Variants in EDC4 observed in about 807,000 individuals in gnomAD.
EDC4 encodes enhancer of mRNA-decapping protein 4.
A neutral mutation model predicts 155.8 loss-of-function variants in EDC4; 64 were observed. The observed-to-expected ratio is 0.41, with a 90% CI of 0.34 to 0.51. The LOEUF is 0.51. Among genes scored for constraint, EDC4 ranks in the 20% least tolerant of loss-of-function variants. The pLI is 0.19. For synonymous variants in EDC4, 684 were observed against 716.8 expected (o/e 0.95, Z 0.73); for missense variants, 1,303 against 1,812.5 (o/e 0.72, Z 5.10).
In EDC4 at chr16:67,883,361, GC is replaced by G; in HGVS notation, c.3849+187del. 1 of 1,292,492 alleles carries G rather than the reference GC, an allele frequency of 7.7e-7. No individual in the cohort carries two copies. Among genetic ancestry groups the G allele is most frequent in the Non-Finnish European group, 1.1e-6 (1 of 945,530 alleles). The allele number at this position is 1,292,492 out of a possible 1,614,324, so 80.1% of individuals were successfully genotyped here. On this transcript the variant is annotated intron_variant, in intron 27 of 28. Coordinates refer to ENST00000358933, the MANE Select transcript of EDC4 (RefSeq NM_014329.5). This position sits in a 1 kb window ranked among gnomAD's most constrained non-coding sequence, Gnocchi z 5.3. ...TCCTGGACCCCTTTCTTCCCACCTA[GC>G]CCACCTTGCTTTACAACTACCCTTC...
chr16:67,879,388 A>G lies in EDC4; in HGVS notation c.1542-24A>G. On this transcript the variant is annotated intron_variant, in intron 13 of 28. Coordinates refer to ENST00000358933, the MANE Select transcript of EDC4 (RefSeq NM_014329.5). This position sits in a 1 kb window ranked among gnomAD's most constrained non-coding sequence, Gnocchi z 6.0. The stretch of plus-strand genomic sequence containing the variant: ...CTGACCCTTGCCCTTGGAGCACTTT[A>G]TTCTCCCCCTTCTTTTCCTGCAGGG... 1 of 1,614,058 alleles carries G rather than the reference A, an allele frequency of 6.2e-7. No homozygotes were observed. The highest frequency in any genetic ancestry group is 1.1e-5 in the South Asian group (1 of 91,080).
Position 67,880,034 on chromosome 16 carries a change from C to A in EDC4, c.1944-29C>A. The stretch of plus-strand genomic sequence containing the variant: ...GGTACCAGATGATGCCAAGCTCTGG[C>A]TGCTGACACCTCAGCCTTCCCCCAC... On this transcript the variant is annotated intron_variant, in intron 16 of 28. Coordinates refer to ENST00000358933, the MANE Select transcript of EDC4 (RefSeq NM_014329.5). This position sits in a 1 kb window ranked among gnomAD's most constrained non-coding sequence, Gnocchi z 5.2. 6.3e-7 allele frequency: 1 copy of A among 1,588,364 alleles called. No individual in the cohort carries two copies. Among genetic ancestry groups the A allele is most frequent in the Non-Finnish European group, 8.6e-7 (1 of 1,163,490 alleles).
chr16:67,883,662 A>T lies in EDC4; in HGVS notation c.3944A>T (p.Gln1315Leu), dbSNP rs1302063867. The T allele has an allele frequency of 6.2e-7, 1 of 1,614,042 alleles. No homozygotes were observed. Among genetic ancestry groups the T allele is most frequent in the Non-Finnish European group, 8.5e-7 (1 of 1,180,034 alleles). ...VFGQPPCPLS[Q>L]PVLLSLIQQL... is the part of the protein sequence containing the mutation. ...GGGCAGCCACCCTGCCCGCTCTCCCAGCCTGTGCTCCTTTCCCTCATCCAG... is the reference window on the plus strand; with the variant it reads ...GGGCAGCCACCCTGCCCGCTCTCCCTGCCTGTGCTCCTTTCCCTCATCCAG... The change falls in exon 28 of 29, where the codon CAG becomes CTG. Residue 1315 changes from glutamine (Q) to leucine (L), a missense_variant. Gln to Leu is a moderately radical substitution (Grantham distance 113). This residue lies in a region of EDC4 where 527 missense variants were observed against 757.0 expected (regional missense o/e 0.70). Coordinates refer to ENST00000358933, the MANE Select transcript of EDC4 (RefSeq NM_014329.5). The surrounding 1 kb of genome is among the most constrained non-coding windows in gnomAD (Gnocchi z 5.3).
In EDC4 at chr16:67,881,046, A is replaced by T. The variant is rs764130477; in HGVS notation, c.2532-30A>T. ...AGCAGGAGGGGCTTCAGATAGATTC[A>T]TCCATGGCTAAGTTGGCCTGTCCTC... is the stretch of plus-strand genomic sequence containing the variant. On this transcript the variant is annotated intron_variant, in intron 18 of 28. Transcript: ENST00000358933. This position sits in a 1 kb window ranked among gnomAD's most constrained non-coding sequence, Gnocchi z 5.4. 2 of 1,613,968 alleles carry T rather than the reference A, an allele frequency of 1.2e-6. No individual in the cohort carries two copies. Among genetic ancestry groups the T allele is most frequent in the African/African-American group, 2.7e-5 (2 of 75,010 alleles).
intron 1 of EDC4, chr16:67,875,694 C>T: frequency 7.7e-7 from 1 of 1,290,988 alleles, no homozygotes; most frequent in South Asian, 2.1e-5. Context: ...CCTGAGTATT[C>T]ACTGCCCTCA....
At chr16:67,875,724 T>C in intron 1 of EDC4, 2 of 1,366,088 alleles carry the variant, frequency 1.5e-6, no homozygotes, top group South Asian at 3.5e-5. Context: ...TGATGGCTTG[T>C]ACCCCTCCCC....
Position 67,881,116 on chromosome 16 carries a change from T to G in EDC4, c.2572T>G (p.Phe858Val). ...GLQEKHKSLAFHRPPYHLLQQ... is the reference protein window; with the variant it reads ...GLQEKHKSLAVHRPPYHLLQQ... ...TCAGGAAAAGCACAAGAGCCTGGCC[T>G]TCCACCGACCACCATATCACCTGCT... Residue 858 changes from phenylalanine (F) to valine (V), a missense_variant, in exon 19 of 29, where the codon TTC becomes GTC. Transcript: ENST00000358933. This position sits in a 1 kb window ranked among gnomAD's most constrained non-coding sequence, Gnocchi z 5.4. 2 of 1,614,028 alleles carry G rather than the reference T, an allele frequency of 1.2e-6. No homozygotes were observed. The highest frequency in any genetic ancestry group is 1.7e-6 in the Non-Finnish European group (2 of 1,180,010).
rs779882332 is a variant in EDC4, at chr16:67,879,081, G to A, written c.1412G>A (p.Arg471Gln). The change falls in exon 12 of 29, where the codon CGG (arginine) becomes CAG (glutamine). Residue 471 changes from arginine (R) to glutamine (Q), a missense_variant. Physicochemically the swap from Arg to Gln is conservative, Grantham distance 43. Around this residue, in one of 5 missense-constraint regions of EDC4, gnomAD observed 235 missense variants for 367.7 expected, o/e 0.64. Transcript: ENST00000358933. This position sits in a 1 kb window ranked among gnomAD's most constrained non-coding sequence, Gnocchi z 6.0. ...SFGIQVVSRC[R>Q]LRHTEVLPAE... ...GGTATCCAGGTTGTGAGTCGCTGCC[G>A]GCTACGGCACACTGAGGTGCTGCCT... 34 of 1,613,644 alleles carry A rather than the reference G, an allele frequency of 2.1e-5. No homozygotes were observed. The highest frequency in any genetic ancestry group is 2.8e-5 in the Non-Finnish European group (33 of 1,179,984).
Position 67,876,458 on chromosome 16 carries a change from G to A in EDC4, c.240-30G>A. 5.0e-6 allele frequency: 8 copies of A among 1,610,764 alleles called. No homozygotes were observed. The highest frequency in any genetic ancestry group is 2.2e-5 in the East Asian group (1 of 44,800). On this transcript the variant is annotated intron_variant, in intron 2 of 28. Transcript: ENST00000358933. The surrounding 1 kb of genome is among the most constrained non-coding windows in gnomAD (Gnocchi z 5.8). Reference sequence around the variant, plus strand: ...GCCCGCTGAGCCTTTGGGTGAACAAGAGGCAAAGTTTTTGCACTCTTCCCC... The same window carrying A: ...GCCCGCTGAGCCTTTGGGTGAACAAAAGGCAAAGTTTTTGCACTCTTCCCC...
rs1481830080 is a variant in EDC4 at position 67,884,386 on chromosome 16, T to C, written c.*238T>C. 5.4e-6 allele frequency: 3 copies of C among 555,086 alleles called. No individual in the cohort carries two copies. The highest frequency in any genetic ancestry group is 9.5e-6 in the Non-Finnish European group (3 of 316,324). The allele number at this position is 555,086 out of a possible 1,614,324, so 34.4% of individuals were successfully genotyped here. On this transcript the variant is annotated 3_prime_UTR_variant, in exon 29 of 29. Transcript: ENST00000358933. This position sits in a 1 kb window ranked among gnomAD's most constrained non-coding sequence, Gnocchi z 4.1. ...TTCTGCCATGCCTGGAGCATGACCC[T>C]GAGATCGTGACACCACTTGAGTGGA...
chr16:67,873,372 A>G, intron 1 of EDC4, 29 bp downstream of exon 1: 4 of 1,416,908 alleles, frequency 2.8e-6, no homozygotes, highest in Non-Finnish European at 3.7e-6. Context: ...GGTGGGCCCC[A>G]GGCGAGCTGA....
Position 67,878,894 on chromosome 16 carries a change from G to C in EDC4, c.1287+55G>C, listed in dbSNP as rs1047156478. ...GTTGGGATTATAGAGGAAGGCCGGGGGGCAGGTGGCGCATCACAGCCCTTA... is the reference window on the plus strand; with the variant it reads ...GTTGGGATTATAGAGGAAGGCCGGGCGGCAGGTGGCGCATCACAGCCCTTA... On this transcript the variant is annotated intron_variant, in intron 11 of 28. Transcript: ENST00000358933. This position sits in a 1 kb window ranked among gnomAD's most constrained non-coding sequence, Gnocchi z 5.2. 300 of 1,610,996 alleles carry C rather than the reference G, an allele frequency of 1.9e-4. No homozygotes were observed. The highest frequency in any genetic ancestry group is 2.4e-4 in the Non-Finnish European group (288 of 1,179,896).
chr16:67,880,496 T>C lies in EDC4; in HGVS notation c.2098-61T>C. 5.1e-6 allele frequency: 8 copies of C among 1,578,858 alleles called. No homozygotes were observed. Among genetic ancestry groups the C allele is most frequent in the Non-Finnish European group, 6.9e-6 (8 of 1,158,420 alleles). On this transcript the variant is annotated intron_variant, in intron 17 of 28. Transcript: ENST00000358933. The surrounding 1 kb of genome is among the most constrained non-coding windows in gnomAD (Gnocchi z 5.2). ...ACTGCTAATACTAATGCCTCGTCTCTGTGCCCCCCATCTCTGCCTCACTTC... is the reference window on the plus strand; with the variant it reads ...ACTGCTAATACTAATGCCTCGTCTCCGTGCCCCCCATCTCTGCCTCACTTC...
Position 67,876,688 on chromosome 16 carries a change from C to A in EDC4, c.351+89C>A. ...CTCATGCTGCCAGTTCCTATGGGGACCACCTTGACACTTTCCCAGTTTCAG... is the reference window on the plus strand; with the variant it reads ...CTCATGCTGCCAGTTCCTATGGGGAACACCTTGACACTTTCCCAGTTTCAG... On this transcript the variant is annotated intron_variant, in intron 3 of 28. Coordinates refer to ENST00000358933, the MANE Select transcript of EDC4 (RefSeq NM_014329.5). This position sits in a 1 kb window ranked among gnomAD's most constrained non-coding sequence, Gnocchi z 5.8. 6.4e-7 allele frequency: 1 copy of A among 1,570,896 alleles called. No individual in the cohort carries two copies. Among genetic ancestry groups the A allele is most frequent in the Non-Finnish European group, 8.7e-7 (1 of 1,155,322 alleles).
rs2058050839 is a variant in EDC4, at chr16:67,878,396, C to T, written c.1041C>T (p.Pro347=). ...LHEWKPHDGR[P]LSCLLFCDNH... ...AGTGGAAACCTCATGATGGGCGGCC[C>T]CTCTCCTGCCTCCTGTTCTGTGACA... Residue 347 remains proline, a synonymous_variant, in exon 9 of 29, where the codon CCC becomes CCT. Coordinates refer to ENST00000358933, the MANE Select transcript of EDC4 (RefSeq NM_014329.5). This position sits in a 1 kb window ranked among gnomAD's most constrained non-coding sequence, Gnocchi z 5.2. 1.9e-6 allele frequency: 3 copies of T among 1,614,064 alleles called. No individual in the cohort carries two copies. The highest frequency in any genetic ancestry group is 1.1e-5 in the South Asian group (1 of 91,096).
At position 67,879,540 on chromosome 16, in the gene EDC4, A is replaced by G. The variant is rs1453071639; in HGVS notation, c.1633+37A>G. The stretch of plus-strand genomic sequence containing the variant: ...GTGAGAGGGAGGTAGGGTAAGTTGG[A>G]CTGACCAGGGTCTGAGATCTAACTC... On this transcript the variant is annotated intron_variant, in intron 14 of 28. Coordinates refer to ENST00000358933, the MANE Select transcript of EDC4 (RefSeq NM_014329.5). The surrounding 1 kb of genome is among the most constrained non-coding windows in gnomAD (Gnocchi z 6.0). 1.9e-6 allele frequency: 3 copies of G among 1,614,042 alleles called. No homozygotes were observed. The highest frequency in any genetic ancestry group is 2.5e-6 in the Non-Finnish European group (3 of 1,179,968).
rs2058067537 is a variant in EDC4 at position 67,881,413 on chromosome 16, G to A, written c.2785G>A (p.Asp929Asn). 1.2e-6 allele frequency: 2 copies of A among 1,614,106 alleles called. No individual in the cohort carries two copies. The highest frequency in any genetic ancestry group is 2.2e-5 in the East Asian group (1 of 44,884). The stretch of plus-strand genomic sequence containing the variant: ...GCTCAAGAGGAAAAGCAAGAAGGAT[G>A]ATGGGTAGGGAGAAATCCTAGGGAG... ...PKLKRKSKKDDGDAAMGSRLT... is the reference protein window; with the variant it reads ...PKLKRKSKKDNGDAAMGSRLT... The change falls in exon 20 of 29, where the codon GAT becomes AAT. Residue 929 changes from aspartate (D) to asparagine (N), a missense_variant. Asp to Asn is a conservative substitution (Grantham distance 23, BLOSUM62 1). Coordinates refer to ENST00000358933, the MANE Select transcript of EDC4 (RefSeq NM_014329.5). The surrounding 1 kb of genome is among the most constrained non-coding windows in gnomAD (Gnocchi z 5.4).
chr16:67,877,533 G>A lies in EDC4; in HGVS notation c.666G>A (p.Arg222=). Residue 222 remains arginine, a synonymous_variant, in exon 6 of 29, where the codon CGG becomes CGA. Transcript: ENST00000358933. This position sits in a 1 kb window ranked among gnomAD's most constrained non-coding sequence, Gnocchi z 4.9. ...GAGAAGAGATCTTGGTCCATATTCG[G>A]CAGCCAGAGGGCACGCCACTGAACC... The part of the protein sequence containing the change: ...KIQEEILVHI[R]QPEGTPLNHF... The A allele has an allele frequency of 1.2e-6, 2 of 1,614,174 alleles. No individual in the cohort carries two copies. Among genetic ancestry groups the A allele is most frequent in the Non-Finnish European group, 1.7e-6 (2 of 1,180,032 alleles).
Position 67,879,172 on chromosome 16 carries a change from A to G in EDC4, c.1468+35A>G. ...CTCAGGGTCAGAGCTATGTGTCCATATATCTAGGGGGTTGTGGAGGCACAG... is the reference window on the plus strand; with the variant it reads ...CTCAGGGTCAGAGCTATGTGTCCATGTATCTAGGGGGTTGTGGAGGCACAG... On this transcript the variant is annotated intron_variant, in intron 12 of 28. Coordinates refer to ENST00000358933, the MANE Select transcript of EDC4 (RefSeq NM_014329.5). This position sits in a 1 kb window ranked among gnomAD's most constrained non-coding sequence, Gnocchi z 6.0. 6.2e-7 allele frequency: 1 copy of G among 1,614,082 alleles called. No individual in the cohort carries two copies. Among genetic ancestry groups the G allele is most frequent in the Non-Finnish European group, 8.5e-7 (1 of 1,179,986 alleles).
Sources: gnomAD v4.1 joint callset for allele counts on GRCh38, gnomAD v4.1.1 for gene constraint, gnomAD v4.1.1 regional missense constraint, Gnocchi (gnomAD v3.1) non-coding constraint, MANE v1.5 for transcripts, NCBI Gene and HGNC (gene_info 2026-07-23, HGNC 2026-07-21) for gene names.